Variants in VWC2L observed in about 807,000 individuals in gnomAD.
VWC2L encodes the protein von Willebrand factor C domain containing 2 like, also known as von Willebrand factor C domain-containing protein 2-like.
In VWC2L, 10 loss-of-function variants were observed where a neutral mutation model predicts 21.6. That is an observed-to-expected ratio of 0.46 (90% CI 0.29 to 0.78). The LOEUF is 0.78. Ranked by LOEUF, VWC2L falls within the 30% of genes least tolerant of loss-of-function variation. The pLI, the probability that VWC2L is intolerant of heterozygous loss-of-function variation, is 0.10. For missense variants in VWC2L, 209 were observed against 277.1 expected (o/e 0.75, Z 1.74); for synonymous variants, 96 against 94.3 (o/e 1.02, Z -0.10).
chr2:214,534,775 C>T (rs767979752), intron 3 of VWC2L, among the ~76,000 whole-genome samples: 11 of 152,128 alleles, frequency 7.2e-5, no homozygotes, highest in Non-Finnish European at 1.6e-4. Context: ...CCAGTGTTAA[C>T]TCCAGTTCTG....
At chr2:214,514,264 C>T (rs1448118130) in intron 3 of VWC2L, among the ~76,000 whole-genome samples, 4 of 151,762 alleles carry the variant, frequency 2.6e-5, no homozygotes, top group Non-Finnish European at 5.9e-5. Context: ...CAGACATAGA[C>T]AGAAAGCATC....
chr2:214,440,253 G>A (rs1408562264), intron 3 of VWC2L, among the ~76,000 whole-genome samples: 1 of 151,932 alleles, frequency 6.6e-6, no homozygotes, highest in Non-Finnish European at 1.5e-5. Context: ...AAAGATGAGA[G>A]TAATTTTTAT....
At position 214,577,913 on chromosome 2, in the gene VWC2L, C is replaced by T. The variant is rs1690258664; in HGVS notation, c.*2093C>T. On this transcript the variant is annotated 3_prime_UTR_variant, in exon 4 of 4. Transcript: ENST00000312504. ...CATCAAGCCACCTTCCCTTAGAACACCAATTTGCAGCAAGGTTGGTGCCTT... is the reference window on the plus strand; with the variant it reads ...CATCAAGCCACCTTCCCTTAGAACATCAATTTGCAGCAAGGTTGGTGCCTT... 1 of 152,160 alleles carries T rather than the reference C, an allele frequency of 6.6e-6. No individual in the cohort carries two copies. Among genetic ancestry groups the T allele is most frequent in the South Asian group, 2.1e-4 (1 of 4,834 alleles). The allele number at this position is 152,160 out of a possible 1,614,324, so 9.4% of individuals were successfully genotyped here. A position where few individuals can be genotyped will look rare whatever the true frequency, so the allele number is the denominator to read the frequency against.
chr2:214,506,200 T>C (rs1688965602), intron 3 of VWC2L, among the ~76,000 whole-genome samples: 1 of 152,212 alleles, frequency 6.6e-6, no homozygotes, highest in Admixed American at 6.5e-5. Context: ...AGATATATAC[T>C]GACTTTTATT....
rs1373990271 is a variant in VWC2L at position 214,578,807 on chromosome 2, A to G, written c.*2987A>G. 5.1e-4 allele frequency: 77 copies of G among 151,992 alleles called. No individual in the cohort carries two copies. Among genetic ancestry groups the G allele is most frequent in the Admixed American group, 5.1e-3 (77 of 15,246 alleles). The allele number at this position is 151,992 out of a possible 1,614,324, so 9.4% of individuals were successfully genotyped here. ...TGTCAGCTGATGCCTATTAAAAACG[A>G]TTCAGTTTCTAAAATCTTTGAAAAA... On this transcript the variant is annotated 3_prime_UTR_variant, in exon 4 of 4. Coordinates refer to ENST00000312504, the MANE Select transcript of VWC2L (RefSeq NM_001080500.4).
chr2:214,502,765 T>C (rs1688912501), intron 3 of VWC2L, among the ~76,000 whole-genome samples: 1 of 152,208 alleles, frequency 6.6e-6, no homozygotes, highest in Admixed American at 6.5e-5. Context: ...TAGAAATTCT[T>C]GTGAAAGTCA....
chr2:214,523,370 T>G (rs2105912325), intron 3 of VWC2L, among the ~76,000 whole-genome samples: 1 of 152,364 alleles, frequency 6.6e-6, no homozygotes, highest in East Asian at 1.9e-4. Context: ...TCATTTATGA[T>G]AGCTTCACAA....
chr2:214,568,367 C>G (rs1464016813), intron 3 of VWC2L, among the ~76,000 whole-genome samples: 1 of 152,176 alleles, frequency 6.6e-6, no homozygotes, highest in African/African-American at 2.4e-5. Context: ...ATTGCCACAT[C>G]ACTACTGCTT....
intron 3 of VWC2L, among the ~76,000 whole-genome samples, chr2:214,551,442 A>G (rs1286964945): frequency 6.6e-6 from 1 of 152,226 alleles, no homozygotes; most frequent in Non-Finnish European, 1.5e-5. Flanking sequence ...GACTAGGGGA[A>G]GGAAGAAAAT....
chr2:214,572,972 T>C (rs59164446), intron 3 of VWC2L, among the ~76,000 whole-genome samples: 2,707 of 152,262 alleles, frequency 0.018, 87 homozygotes, highest in African/African-American at 0.061. Context: ...TAATATTTCT[T>C]GAGCTGAGAG....
intron 3 of VWC2L, among the ~76,000 whole-genome samples, chr2:214,499,705 C>A (rs1688865036): frequency 6.6e-6 from 1 of 152,168 alleles, no homozygotes; most frequent in Admixed American, 6.5e-5. Flanking sequence ...TCTCAACTTG[C>A]AATGAGCTGT....
At chr2:214,516,013 G>A (rs1689135978) in intron 3 of VWC2L, among the ~76,000 whole-genome samples, 1 of 152,214 alleles carries the variant, frequency 6.6e-6, no homozygotes, top group Non-Finnish European at 1.5e-5. Context: ...TCCACTGAGA[G>A]ATACAGGTGA....
chr2:214,519,770 G>A (rs917437771), intron 3 of VWC2L, among the ~76,000 whole-genome samples: 10 of 152,128 alleles, frequency 6.6e-5, no homozygotes, highest in African/African-American at 2.2e-4. Context: ...TGCACATTCA[G>A]TTGGTGCATT....
chr2:214,496,733 TAAAC>T (rs1481200160), intron 3 of VWC2L, among the ~76,000 whole-genome samples: 2 of 152,228 alleles, frequency 1.3e-5, no homozygotes, highest in Non-Finnish European at 2.9e-5. Context: ...TGCTTTAATT[TAAAC>T]AAAAAGTTAT....
chr2:214,572,919 G>A (rs1690173298), intron 3 of VWC2L, among the ~76,000 whole-genome samples: 1 of 152,098 alleles, frequency 6.6e-6, no homozygotes, highest in Non-Finnish European at 1.5e-5. Context: ...CCTGGCACGT[G>A]CAAAGATCTT....
chr2:214,499,950 A>G (rs1688868415), intron 3 of VWC2L, among the ~76,000 whole-genome samples: 2 of 152,216 alleles, frequency 1.3e-5, no homozygotes, highest in African/African-American at 4.8e-5. Context: ...GATAGGGGCT[A>G]TTACGGTAGA....
At position 214,494,915 on chromosome 2, in the gene VWC2L, A is replaced by C. The variant is rs76519553; in HGVS notation, c.520+58157A>C. On this transcript the variant is annotated intron_variant, in intron 3 of 3. Transcript: ENST00000312504. Reference sequence around the variant, plus strand: ...TACTGCTGTTCTCATTTGCCCATGAAATAAAGTTTCCATCCAGGCCAACTC... The same window carrying C: ...TACTGCTGTTCTCATTTGCCCATGACATAAAGTTTCCATCCAGGCCAACTC... Among the ~76,000 whole-genome samples the C allele has an allele frequency of 3.3e-5, 5 of 152,210 alleles. No individual in the cohort carries two copies. The East Asian group carries it at 9.7e-4, about 29-fold the overall frequency.
At chr2:214,556,025 A>G (rs1689867009) in intron 3 of VWC2L, among the ~76,000 whole-genome samples, 1 of 152,212 alleles carries the variant, frequency 6.6e-6, no homozygotes, top group Non-Finnish European at 1.5e-5. Context: ...GTTCACCAGC[A>G]CACTCAGATG....
intron 3 of VWC2L, among the ~76,000 whole-genome samples, chr2:214,508,278 T>G (rs1688998819): frequency 3.3e-5 from 5 of 152,214 alleles, no homozygotes; most frequent in Admixed American, 3.3e-4. Context: ...CCGGCTCTTC[T>G]GTGCACTTTT....
Sources: gnomAD v4.1 joint callset for allele counts (sites outside exome capture counted in the v4.1 genomes callset) on GRCh38, gnomAD v4.1.1 for gene constraint, MANE v1.5 for transcripts, NCBI Gene and HGNC (gene_info 2026-07-23, HGNC 2026-07-21) for gene names.